Variants in DIS3L2 observed in about 807,000 individuals in gnomAD.
DIS3L2 encodes DIS3 like 3'-5' exoribonuclease 2, also known as DIS3-like exonuclease 2.
Under a neutral mutation model 97.5 loss-of-function variants are expected in DIS3L2, and 34 were observed. That is an observed-to-expected ratio of 0.35 (90% CI 0.27 to 0.46). The LOEUF (loss-of-function observed/expected upper bound fraction) is 0.46, where lower values mean the gene tolerates loss of function less well. Among genes scored for constraint, DIS3L2 ranks in the 20% least tolerant of loss-of-function variants. DIS3L2 has a pLI of 1.00. For missense variants in DIS3L2, 1,038 were observed against 1,146.0 expected, an observed-to-expected ratio of 0.91 and a Z score of 1.36; for synonymous variants, 435 against 445.2, an observed-to-expected ratio of 0.98 and a Z score of 0.29.
intron 5 of DIS3L2, among the ~76,000 whole-genome samples, chr2:232,061,429 A>T (rs1487810637): frequency 1.3e-5 from 2 of 152,206 alleles, no homozygotes; most frequent in Non-Finnish European, 2.9e-5. Flanking sequence ...CTTTCTTCCC[A>T]AATCTTTGGG....
Position 232,086,228 on chromosome 2 carries a change from C to T in DIS3L2, c.367-1259C>T, listed in dbSNP as rs552263803. ...ATACGTATATATACACACGTATAGACGTGTATACGTATATATACACACGTA... is the reference window on the plus strand; with the variant it reads ...ATACGTATATATACACACGTATAGATGTGTATACGTATATATACACACGTA... On this transcript the variant is annotated intron_variant, in intron 5 of 20. Transcript: ENST00000325385. 2.9e-4 allele frequency among the ~76,000 whole-genome samples: 44 copies of T among 151,044 alleles called. 1 individual carries two copies. The highest frequency in any genetic ancestry group is 8.8e-4 in the African/African-American group (36 of 41,074).
At chr2:231,984,421 C>T (rs1422218673) in intron 1 of DIS3L2, among the ~76,000 whole-genome samples, 10 of 138,272 alleles carry the variant, frequency 7.2e-5, no homozygotes, top group Admixed American at 1.5e-4. Flanking sequence ...GAGTCTGGCT[C>T]TGTCGCCCAG....
chr2:232,086,246 C>CAT (rs1200753787), intron 5 of DIS3L2, among the ~76,000 whole-genome samples: 1 of 150,224 alleles, frequency 6.7e-6, no homozygotes, highest in African/African-American at 2.4e-5. Flanking sequence ...CGTATATATA[C>CAT]ACACGTATAG....
chr2:232,160,908 T>G (rs984204527), intron 8 of DIS3L2, among the ~76,000 whole-genome samples: 4 of 152,152 alleles, frequency 2.6e-5, no homozygotes, highest in Admixed American at 2.6e-4. Context: ...ATTCATTCAT[T>G]TTTGTTTGTT....
At chr2:232,064,746 C>G (rs547890520) in intron 5 of DIS3L2, among the ~76,000 whole-genome samples, 1 of 152,130 alleles carries the variant, frequency 6.6e-6, no homozygotes, top group South Asian at 2.1e-4. Flanking sequence ...GTGTTATCTC[C>G]TTTGTTATTG....
chr2:232,260,332 C>G (rs527365988), intron 12 of DIS3L2: 2 of 152,406 alleles, frequency 1.3e-5, no homozygotes, highest in East Asian at 3.9e-4. Flanking sequence ...TGGAGCAGCT[C>G]TTCAGGAAAT....
At chr2:232,127,718 C>G (rs1322382413) in intron 6 of DIS3L2, among the ~76,000 whole-genome samples, 1 of 152,188 alleles carries the variant, frequency 6.6e-6, no homozygotes, top group Non-Finnish European at 1.5e-5. Flanking sequence ...TTCTTGCTCA[C>G]TGTGCTCCAG....
At position 232,298,253 on chromosome 2, in the gene DIS3L2, AC is replaced by A. The variant is rs565367829; in HGVS notation, c.1660-1786del. 2.5e-3 allele frequency among the ~76,000 whole-genome samples: 377 copies of A among 152,286 alleles called. 1 individual carries two copies. Among genetic ancestry groups the A allele is most frequent in the Non-Finnish European group, 4.4e-3 (298 of 68,022 alleles). ...TGGGGGGAACAGTTTTGCAAATAAA[AC>A]TTTTCTTCCTACATTTCTGATGATT... On this transcript the variant is annotated intron_variant, in intron 13 of 20. Coordinates refer to ENST00000325385, the MANE Select transcript of DIS3L2 (RefSeq NM_152383.5).
At chr2:232,274,147 A>G (rs960179041) in intron 13 of DIS3L2, among the ~76,000 whole-genome samples, 2 of 152,162 alleles carry the variant, frequency 1.3e-5, no homozygotes, top group Non-Finnish European at 2.9e-5. Flanking sequence ...TGCACTGACC[A>G]GGTGATAGGA....
intron 5 of DIS3L2, among the ~76,000 whole-genome samples, chr2:232,033,595 T>C (rs1043989790): frequency 2.0e-5 from 3 of 152,214 alleles, no homozygotes; most frequent in African/African-American, 7.2e-5. Context: ...CAGTATGATA[T>C]TGGCTATGGG....
chr2:232,302,882 A>G (rs1357023922), intron 14 of DIS3L2, among the ~76,000 whole-genome samples: 1 of 152,070 alleles, frequency 6.6e-6, no homozygotes, highest in East Asian at 1.9e-4. Context: ...TTCTTCATCT[A>G]TAGGATGAAG....
chr2:232,136,502 C>T lies in DIS3L2; in HGVS notation c.733C>T (p.Arg245Ter), dbSNP rs199648534. 2 of 1,613,958 alleles carry T rather than the reference C, an allele frequency of 1.2e-6. No homozygotes were observed. The highest frequency in any genetic ancestry group is 1.7e-6 in the Non-Finnish European group (2 of 1,179,920). ...TTACATCTTGGAGAAAAAACATTCT[C>T]GAGCAGCAACCGGCTTCCTCAAACT... ...VVYILEKKHS[R>*]AATGFLKLLA... Residue 245 changes from arginine (R) to a stop codon, truncating the protein, a stop_gained, in exon 8 of 21, where the codon CGA becomes TGA. Transcript: ENST00000325385. LOFTEE classifies it high-confidence loss of function.
chr2:232,169,748 T>A (rs1008095156), intron 9 of DIS3L2, among the ~76,000 whole-genome samples: 3 of 152,174 alleles, frequency 2.0e-5, no homozygotes, highest in Admixed American at 2.0e-4. Flanking sequence ...CATAAGAACT[T>A]CTACATACCC....
In DIS3L2 at chr2:232,330,714, G is replaced by A; in HGVS notation, c.1948G>A (p.Asp650Asn). Residue 650 changes from aspartate (D) to asparagine (N), a missense_variant, in exon 16 of 21, where the codon GAT (aspartate) becomes AAT (asparagine). By Grantham distance (23) the Asp-to-Asn change is conservative. Around this residue, in one of 3 missense-constraint regions of DIS3L2, gnomAD observed 813 missense variants for 880.1 expected, o/e 0.92. Transcript: ENST00000325385. ...GAAAAGCCTGACCCAAACATTTGGA[G>A]ATGACAAGTACTCACTGGCCCGCAA... ...LNKSLTQTFG[D>N]DKYSLARKEV... The A allele has an allele frequency of 1.2e-6, 2 of 1,613,954 alleles. No individual in the cohort carries two copies. Among genetic ancestry groups the A allele is most frequent in the Non-Finnish European group, 8.5e-7 (1 of 1,180,034 alleles).
At chr2:232,310,101 G>A (rs183187856) in intron 14 of DIS3L2, among the ~76,000 whole-genome samples, 1 of 152,360 alleles carries the variant, frequency 6.6e-6, no homozygotes. Flanking sequence ...AGGCTAAGCA[G>A]CAGTGTTACC....
Position 232,029,975 on chromosome 2 carries a change from C to T in DIS3L2, c.265-4C>T. On this transcript the variant is annotated splice_region_variant and splice_polypyrimidine_tract_variant and intron_variant, in intron 4 of 20. Transcript: ENST00000325385. ...CTATTGTTTTATTTCTTTTTCCAAC[C>T]TAGGATGGTGATCGAGACATTTTTA... The T allele has an allele frequency of 1.9e-6, 3 of 1,590,828 alleles. No homozygotes were observed. Among genetic ancestry groups the T allele is most frequent in the South Asian group, 2.3e-5 (2 of 86,148 alleles).
chr2:232,002,016 G>A (rs1002569215), intron 1 of DIS3L2, among the ~76,000 whole-genome samples: 1 of 152,004 alleles, frequency 6.6e-6, no homozygotes, highest in South Asian at 2.1e-4. Flanking sequence ...CACCACTCCT[G>A]GCCTCCTTTA....
At chr2:232,013,488 C>G (rs1694269801) in intron 1 of DIS3L2, among the ~76,000 whole-genome samples, 1 of 152,186 alleles carries the variant, frequency 6.6e-6, no homozygotes, top group Admixed American at 6.5e-5. Flanking sequence ...GTTTGCGCCT[C>G]TATTTTTATT....
intron 6 of DIS3L2, among the ~76,000 whole-genome samples, chr2:232,099,208 AGTATTTTTT>A (rs1448462583): frequency 1.3e-5 from 2 of 151,656 alleles, no homozygotes; most frequent in African/African-American, 4.8e-5. Context: ...ATATTAGGGT[AGTATTTTTT>A]GTATTTTTTT....
Sources: gnomAD v4.1 joint callset for allele counts (sites outside exome capture counted in the v4.1 genomes callset) on GRCh38, gnomAD v4.1.1 for gene constraint, gnomAD v4.1.1 regional missense constraint, MANE v1.5 for transcripts, NCBI Gene and HGNC (gene_info 2026-07-23, HGNC 2026-07-21) for gene names.